Variants in CASR observed in about 807,000 individuals in gnomAD.
The protein encoded by CASR is calcium sensing receptor.
A neutral mutation model predicts 69.1 loss-of-function variants in CASR; 23 were observed. The ratio of observed to expected loss-of-function variants is 0.33; its 90% CI spans 0.24 to 0.47. CASR has a LOEUF of 0.47. Ranked by LOEUF, CASR falls within the 20% of genes least tolerant of loss-of-function variation. CASR has a pLI of 1.00. For missense variants in CASR, 924 were observed against 1,356.1 expected (o/e 0.68, Z 5.00); for synonymous variants, 541 against 544.7 (o/e 0.99, Z 0.10).
rs2107653257 is a variant in CASR at position 122,286,661 on chromosome 3, G to A, written c.*1470G>A. On this transcript the variant is annotated 3_prime_UTR_variant, in exon 7 of 7. Coordinates refer to ENST00000639785, the MANE Select transcript of CASR (RefSeq NM_000388.4). The stretch of plus-strand genomic sequence containing the variant: ...CATGGGGTCAGCCATAGTATCACTG[G>A]CTCATGGTGAGGAAGCCAGAAAGCT... 1 of 152,354 alleles carries A rather than the reference G, an allele frequency of 6.6e-6. No homozygotes were observed. The highest frequency in any genetic ancestry group is 1.9e-4 in the East Asian group (1 of 5,174). 9.4% of individuals were successfully genotyped at this position (152,354 alleles called of 1,614,324 possible).
At chr3:122,190,899 G>A (rs1392383273) in intron 1 of CASR, among the ~76,000 whole-genome samples, 1 of 152,192 alleles carries the variant, frequency 6.6e-6, no homozygotes, top group Non-Finnish European at 1.5e-5. Context: ...GGAAACCAGG[G>A]TACTGAAAGG....
intron 1 of CASR, among the ~76,000 whole-genome samples, chr3:122,196,508 T>A (rs1251421495): frequency 6.6e-6 from 1 of 151,858 alleles, no homozygotes; most frequent in Non-Finnish European, 1.5e-5. Flanking sequence ...TTGGTTTTGG[T>A]TTTTGGGGTT....
intron 1 of CASR, among the ~76,000 whole-genome samples, chr3:122,206,016 T>C (rs1014235810): frequency 2.0e-5 from 3 of 151,944 alleles, no homozygotes; most frequent in African/African-American, 7.2e-5. Flanking sequence ...TGTCTGTAGA[T>C]AAGGCTAATT....
intron 1 of CASR, among the ~76,000 whole-genome samples, chr3:122,253,740 C>A (rs553036220): frequency 6.6e-6 from 1 of 152,218 alleles, no homozygotes; most frequent in Non-Finnish European, 1.5e-5. Context: ...CCTCTCATAA[C>A]CTAACATAGT....
chr3:122,271,504 C>G (rs988915067), intron 4 of CASR, among the ~76,000 whole-genome samples: 1 of 152,210 alleles, frequency 6.6e-6, no homozygotes, highest in African/African-American at 2.4e-5. Flanking sequence ...ACCTTGTTAT[C>G]AAGGATCCTG....
At chr3:122,198,449 T>C (rs1430986267) in intron 1 of CASR, among the ~76,000 whole-genome samples, 1 of 152,166 alleles carries the variant, frequency 6.6e-6, no homozygotes, top group African/African-American at 2.4e-5. Context: ...TGATAACAAA[T>C]ATATATTTTG....
intron 1 of CASR, among the ~76,000 whole-genome samples, chr3:122,241,698 C>A (rs561890244): frequency 6.6e-6 from 1 of 151,972 alleles, no homozygotes; most frequent in East Asian, 1.9e-4. Flanking sequence ...ACCCTGATAC[C>A]AAAACCAGAC....
chr3:122,235,814 A>G (rs926139173), intron 1 of CASR, among the ~76,000 whole-genome samples: 3 of 152,244 alleles, frequency 2.0e-5, no homozygotes, highest in African/African-American at 7.2e-5. Flanking sequence ...TAATACATAA[A>G]TAAAATTACA....
Position 122,254,297 on chromosome 3 carries a change from G to A in CASR, c.108G>A (p.Gly36=), listed in dbSNP as rs781573002. Residue 36 remains glycine (G), a synonymous_variant, in exon 2 of 7, where the codon GGG becomes GGA. Coordinates refer to ENST00000639785, the MANE Select transcript of CASR (RefSeq NM_000388.4). ...AQKKGDIILG[G]LFPIHFGVAA... is the part of the protein sequence containing the mutation. ...AGAAGGGGGACATTATCCTTGGGGG[G>A]CTCTTTCCTATTCATTTTGGAGTAG... is the stretch of plus-strand genomic sequence containing the variant. 7 of 1,614,132 alleles carry A rather than the reference G, an allele frequency of 4.3e-6. No individual in the cohort carries two copies. In the South Asian group the frequency reaches 5.5e-5, roughly 13 times the overall value.
Position 122,253,999 on chromosome 3 carries a change from C to T in CASR, c.-191C>T. The T allele has an allele frequency of 3.0e-6, 2 of 659,286 alleles. No individual in the cohort carries two copies. 40.8% of individuals were successfully genotyped at this position (659,286 alleles called of 1,614,324 possible). ...ATGTGGCTTCCAAAGACTCAAGGAC[C>T]ACCCACATTACAAGTCTGGATTGAG... On this transcript the variant is annotated 5_prime_UTR_variant, in exon 2 of 7. Transcript: ENST00000639785.
intron 1 of CASR, among the ~76,000 whole-genome samples, chr3:122,194,278 T>A (rs1483083616): frequency 1.3e-5 from 2 of 152,196 alleles, no homozygotes; most frequent in Non-Finnish European, 2.9e-5. Context: ...TGGCCTTTTA[T>A]CATATATGCA....
intron 1 of CASR, among the ~76,000 whole-genome samples, chr3:122,197,131 T>G (rs189805795): frequency 4.3e-4 from 66 of 152,316 alleles, no homozygotes; most frequent in African/African-American, 1.3e-3. Context: ...CTTGGGCATT[T>G]CCTCTGTTGG....
chr3:122,277,462 A>G (rs1395323064), intron 5 of CASR, among the ~76,000 whole-genome samples: 1 of 152,224 alleles, frequency 6.6e-6, no homozygotes, highest in Non-Finnish European at 1.5e-5. Context: ...CCCAGTATGT[A>G]GATGGATTAC....
rs116851236 is a variant in CASR, at chr3:122,265,926, G to A, written c.1377+3514G>A. 1.5e-4 allele frequency among the ~76,000 whole-genome samples: 23 copies of A among 152,276 alleles called. 1 individual carries two copies. The East Asian group carries it at 4.2e-3, about 28-fold the overall frequency. ...AGTTGGGGAATGGGGGATAAATTGT[G>A]AGGACAGCCAGAGAAGATGGAAGGG... On this transcript the variant is annotated intron_variant, in intron 4 of 6. Coordinates refer to ENST00000639785, the MANE Select transcript of CASR (RefSeq NM_000388.4).
At chr3:122,248,685 G>A (rs953177372) in intron 1 of CASR, among the ~76,000 whole-genome samples, 15 of 151,168 alleles carry the variant, frequency 9.9e-5, no homozygotes, top group African/African-American at 3.7e-4. Context: ...TTTACTGAGT[G>A]ATTTTATGTT....
intron 3 of CASR, among the ~76,000 whole-genome samples, chr3:122,259,628 A>ATTTTTTTTTT (rs11414721): frequency 9.8e-5 from 12 of 122,234 alleles, no homozygotes; most frequent in Middle Eastern, 4.8e-3. Flanking sequence ...CACATTGGAA[A>ATTTTTTTTTT]TTTTTTTTTT....
intron 1 of CASR, among the ~76,000 whole-genome samples, chr3:122,227,384 G>T (rs1327771190): frequency 6.6e-6 from 1 of 152,224 alleles, no homozygotes; most frequent in Non-Finnish European, 1.5e-5. Flanking sequence ...GGCAGCTAAG[G>T]CCCGTGAGAA....
At chr3:122,217,608 T>C (rs571960514) in intron 1 of CASR, among the ~76,000 whole-genome samples, 106 of 152,292 alleles carry the variant, frequency 7.0e-4, no homozygotes, top group Middle Eastern at 3.4e-3. Context: ...TGAGGCTGGA[T>C]TTTGACATTC....
At chr3:122,200,340 G>T (rs980128043) in intron 1 of CASR, among the ~76,000 whole-genome samples, 13 of 152,078 alleles carry the variant, frequency 8.5e-5, no homozygotes, top group African/African-American at 3.1e-4. Context: ...CCCATAAAAT[G>T]TATAATTATG....
Sources: gnomAD v4.1 joint callset for allele counts (sites outside exome capture counted in the v4.1 genomes callset) on GRCh38, gnomAD v4.1.1 for gene constraint, MANE v1.5 for transcripts, NCBI Gene and HGNC (gene_info 2026-07-23, HGNC 2026-07-21) for gene names.